Variants in HIBCH observed in about 807,000 individuals in gnomAD.
The protein encoded by HIBCH is 3-hydroxyisobutyryl-CoA hydrolase, mitochondrial.
HIBCH carries 50 observed loss-of-function variants against 58.2 expected under a neutral mutation model. The observed-to-expected ratio is 0.86, with a 90% CI of 0.68 to 1.09. HIBCH has a LOEUF of 1.09. HIBCH is among the 50% of genes least tolerant of loss of function. The probability of loss-of-function intolerance (pLI) is 0.00; values close to 1 mark genes in which losing one functional copy is unlikely to be tolerated. For synonymous variants in HIBCH, 151 were observed against 146.9 expected, an observed-to-expected ratio of 1.03 and a Z score of -0.20; for missense variants, 450 against 449.7, an observed-to-expected ratio of 1.00 and a Z score of -0.01.
chr2:190,264,123 A>T (rs1242352395), intron 6 of HIBCH, among the ~76,000 whole-genome samples: 1 of 152,126 alleles, frequency 6.6e-6, no homozygotes, highest in Non-Finnish European at 1.5e-5. Flanking sequence ...CCCGCCCAGA[A>T]GTCTCCAGTG....
At chr2:190,226,754 C>A (rs1685913157) in intron 11 of HIBCH, among the ~76,000 whole-genome samples, 1 of 152,068 alleles carries the variant, frequency 6.6e-6, no homozygotes, top group Admixed American at 6.6e-5. Context: ...AATCAATGTG[C>A]AAATATCACA....
rs1464970062 is a variant in HIBCH at position 190,294,020 on chromosome 2, GTGTATATATATATATATATATATA to G, written c.304+502_304+525del. Among the ~76,000 whole-genome samples the G allele has an allele frequency of 6.4e-5, 8 of 125,876 alleles. No individual in the cohort carries two copies. The Admixed American group carries it at 7.0e-4, about 11-fold the overall frequency. The allele number at this position is 125,876 out of a possible 152,430, so 82.6% of individuals were successfully genotyped here. A position where few individuals can be genotyped will look rare whatever the true frequency, so the allele number is the denominator to read the frequency against. On this transcript the variant is annotated intron_variant, in intron 4 of 13. Coordinates refer to ENST00000359678, the MANE Select transcript of HIBCH (RefSeq NM_014362.4). ...ATATATTTTGTAATATATATTTTGT[GTGTATATATATATATATATATATA>G]TATATATATAGCAACAGGATAAATG...
At chr2:190,317,058 C>T (rs1368800114) in intron 1 of HIBCH, among the ~76,000 whole-genome samples, 7 of 152,160 alleles carry the variant, frequency 4.6e-5, no homozygotes, top group Admixed American at 4.6e-4. Context: ...GAAGGATAGG[C>T]GTATGCCACC....
chr2:190,230,231 G>C (rs10182490), intron 11 of HIBCH, among the ~76,000 whole-genome samples: 5,080 of 151,976 alleles, frequency 0.033, 136 homozygotes, highest in East Asian at 0.14. Flanking sequence ...GACCAATAAA[G>C]AGCCTGAAAA....
At chr2:190,219,539 T>G (rs1029416868) in intron 11 of HIBCH, among the ~76,000 whole-genome samples, 1 of 152,198 alleles carries the variant, frequency 6.6e-6, no homozygotes, top group African/African-American at 2.4e-5. Context: ...TTTGTTCTTA[T>G]CGGCCTGCCC....
rs757339751 is a variant in HIBCH at position 190,212,931 on chromosome 2, T to A, written c.1011+25A>T. On this transcript the variant is annotated intron_variant, in intron 12 of 13. Coordinates refer to ENST00000359678, the MANE Select transcript of HIBCH (RefSeq NM_014362.4). ...GTATGTTACTTTTAGAACTAAAAAA[T>A]GACATTTTTTTTTTAAATTCTTACC... 71 of 1,592,502 alleles carry A rather than the reference T, an allele frequency of 4.5e-5. 1 individual carries two copies. Among genetic ancestry groups the A allele is most frequent in the Middle Eastern group, 2.2e-4 (1 of 4,614 alleles).
chr2:190,267,541 GTTATTTCAGATAGGCA>G (rs1687276039), intron 6 of HIBCH, among the ~76,000 whole-genome samples: 1 of 152,156 alleles, frequency 6.6e-6, no homozygotes, highest in Non-Finnish European at 1.5e-5. Flanking sequence ...TACCAGTAGA[GTTATTTCAGATAGGCA>G]AAGGTTTGTT....
chr2:190,261,118 T>A, intron 7 of HIBCH, 38 bp downstream of exon 7: 1 of 1,402,610 alleles, frequency 7.1e-7, no homozygotes, highest in Non-Finnish European at 1.0e-6. Context: ...AAGAAGATGA[T>A]GCTAAAAGTA....
intron 11 of HIBCH, among the ~76,000 whole-genome samples, chr2:190,230,663 C>A (rs1237619302): frequency 1.3e-5 from 2 of 152,152 alleles, no homozygotes; most frequent in Admixed American, 1.3e-4. Context: ...CCGCTGCACT[C>A]CAGCCTGGGC....
intron 6 of HIBCH, among the ~76,000 whole-genome samples, chr2:190,284,512 A>G (rs1687784246): frequency 6.6e-6 from 1 of 152,234 alleles, no homozygotes; most frequent in Admixed American, 6.5e-5. Context: ...TTACTGAAAT[A>G]TTCTCAGTAA....
At chr2:190,313,632 A>C (rs1688615226) in intron 1 of HIBCH, among the ~76,000 whole-genome samples, 2 of 113,430 alleles carry the variant, frequency 1.8e-5, no homozygotes, top group Non-Finnish European at 1.7e-5. Context: ...GTGACAAGAG[A>C]CTCTGTCTCA....
chr2:190,192,049 C>G (rs182121948), intron 1 of HIBCH, among the ~76,000 whole-genome samples: 1 of 151,744 alleles, frequency 6.6e-6, no homozygotes, highest in Admixed American at 6.6e-5. Context: ...AACCCAAGAT[C>G]GCAAATGTTT....
At chr2:190,308,019 C>CTCTCTT (rs1210836708) in intron 2 of HIBCH, among the ~76,000 whole-genome samples, 1 of 152,228 alleles carries the variant, frequency 6.6e-6, no homozygotes, top group Admixed American at 6.5e-5. Context: ...GGATCTCTCC[C>CTCTCTT]TCTCTTTCTC....
chr2:190,256,462 T>TAATAAATTAATAC (rs1686928156), intron 7 of HIBCH, among the ~76,000 whole-genome samples: 2 of 148,536 alleles, frequency 1.3e-5, no homozygotes, highest in African/African-American at 5.0e-5. Context: ...AAAAAAATAA[T>TAATAAATTAATAC]AATAATAAAT....
chr2:190,203,176 G>A (rs1428400436), downstream of HIBCH: 2 of 166,924 alleles, frequency 1.2e-5, no homozygotes, highest in Non-Finnish European at 2.9e-5. Flanking sequence ...TTTAGAAATC[G>A]AAAGTTAGAG....
At chr2:190,213,468 G>A (rs925138392) in intron 11 of HIBCH, 16 of 225,640 alleles carry the variant, frequency 7.1e-5, no homozygotes, top group Non-Finnish European at 1.1e-4. Context: ...GTCTTGAATC[G>A]GCATAGGTCA....
chr2:190,229,085 A>G (rs960014467), intron 11 of HIBCH, among the ~76,000 whole-genome samples: 2 of 152,174 alleles, frequency 1.3e-5, no homozygotes, highest in Non-Finnish European at 2.9e-5. Context: ...ACAGTGTGAC[A>G]TGCCTACTGT....
intron 11 of HIBCH, among the ~76,000 whole-genome samples, chr2:190,225,510 G>A (rs949642297): frequency 4.3e-4 from 66 of 152,264 alleles, no homozygotes; most frequent in Middle Eastern, 3.4e-3. Context: ...AAATAATCTA[G>A]AAAATCTAGA....
intron 11 of HIBCH, among the ~76,000 whole-genome samples, chr2:190,244,053 A>G (rs940147027): frequency 7.9e-5 from 12 of 152,200 alleles, no homozygotes; most frequent in African/African-American, 2.9e-4. Context: ...ATTTTTTCTC[A>G]ATATGTTTCC....
Sources: gnomAD v4.1 joint callset for allele counts (sites outside exome capture counted in the v4.1 genomes callset) on GRCh38, gnomAD v4.1.1 for gene constraint, MANE v1.5 for transcripts, NCBI Gene and HGNC (gene_info 2026-07-23, HGNC 2026-07-21) for gene names.